Variants in CELF2 observed in about 807,000 individuals in gnomAD.
The protein encoded by CELF2 is CUGBP Elav-like family member 2.
Under a neutral mutation model 62.6 loss-of-function variants are expected in CELF2, and 8 were observed. The ratio of observed to expected loss-of-function variants is 0.13; its 90% CI spans 0.07 to 0.23. The LOEUF (loss-of-function observed/expected upper bound fraction) is 0.23, where lower values mean the gene tolerates loss of function less well. Among genes scored for constraint, CELF2 ranks in the 10% least tolerant of loss-of-function variants. The pLI, the probability that CELF2 is intolerant of heterozygous loss-of-function variation, is 1.00. For missense variants in CELF2, 333 were observed against 671.0 expected, an observed-to-expected ratio of 0.50 and a Z score of 5.56; for synonymous variants, 258 against 250.0, an observed-to-expected ratio of 1.03 and a Z score of -0.30.
At chr10:11,299,964 C>T (rs560402698) in intron 9 of CELF2, among the ~76,000 whole-genome samples, 4 of 152,254 alleles carry the variant, frequency 2.6e-5, no homozygotes, top group South Asian at 4.1e-4. Context: ...TCATTTGCCC[C>T]GCTCGTAGGA....
intron 2 of CELF2, among the ~76,000 whole-genome samples, chr10:10,943,364 A>T (rs1406482086): frequency 6.6e-6 from 1 of 152,120 alleles, no homozygotes; most frequent in Non-Finnish European, 1.5e-5. Context: ...GTATTAGTTG[A>T]CCTCTGGAAG....
intron 1 of CELF2, among the ~76,000 whole-genome samples, chr10:11,155,269 T>C (rs1018984863): frequency 3.9e-5 from 6 of 152,242 alleles, no homozygotes; most frequent in African/African-American, 1.4e-4. Context: ...ATAATTGCGC[T>C]GTGCTGCCGT....
chr10:10,932,121 C>A (rs966783211), intron 2 of CELF2, among the ~76,000 whole-genome samples: 9 of 152,240 alleles, frequency 5.9e-5, no homozygotes, highest in Middle Eastern at 6.8e-3. Flanking sequence ...TTACTAATGA[C>A]ATCCTTGATC....
At chr10:10,887,554 C>T (rs1474085392) in intron 1 of CELF2, among the ~76,000 whole-genome samples, 1 of 152,154 alleles carries the variant, frequency 6.6e-6, no homozygotes, top group Non-Finnish European at 1.5e-5. Flanking sequence ...TACCAAAACC[C>T]ATGTTTGCAT....
chr10:10,847,291 T>C (rs2132671706), intron 1 of CELF2, among the ~76,000 whole-genome samples: 1 of 152,246 alleles, frequency 6.6e-6, no homozygotes, highest in South Asian at 2.1e-4. Flanking sequence ...TGTATTCTAG[T>C]CCTGTCTCAA....
At chr10:10,543,640 A>C in the CELF2 span, among the ~76,000 whole-genome samples, 1 of 152,144 alleles carries the variant, frequency 6.6e-6, no homozygotes, top group Non-Finnish European at 1.5e-5. Flanking sequence ...TGAGGTCAGG[A>C]GTTTGAGACC....
At chr10:10,483,908 G>A in the CELF2 span, among the ~76,000 whole-genome samples, 1 of 143,158 alleles carries the variant, frequency 7.0e-6, no homozygotes, top group African/African-American at 2.6e-5. Context: ...TCATCTCTCT[G>A]TGTCTCATCT....
At chr10:10,714,917 T>C in the CELF2 span, among the ~76,000 whole-genome samples, 3 of 152,174 alleles carry the variant, frequency 2.0e-5, no homozygotes, top group African/African-American at 7.2e-5. Flanking sequence ...TAGTTGTTAT[T>C]ACAAAGGCAT....
intron 2 of CELF2, among the ~76,000 whole-genome samples, chr10:11,197,025 A>AAAAGAAAGAAAGAAAGAAAGAAAGAAAG (rs774383276): frequency 0.056 from 1,460 of 26,112 alleles, 272 homozygotes; most frequent in East Asian, 0.11. Context: ...AGAAAGAAAG[A>AAAAGAAAGAAAGAAAGAAAGAAAGAAAG]AAAGAAAGAA....
intron 2 of CELF2, among the ~76,000 whole-genome samples, chr10:11,201,089 A>C (rs2059116148): frequency 6.6e-6 from 1 of 152,216 alleles, no homozygotes; most frequent in East Asian, 1.9e-4. Context: ...TAATTTTCTG[A>C]AACGAAATTC....
At position 11,296,291 on chromosome 10, in the gene CELF2, A is replaced by C. The variant is rs2093176137; in HGVS notation, c.976+7739A>C. Among the ~76,000 whole-genome samples the C allele has an allele frequency of 6.6e-6, 1 of 152,112 alleles. No individual in the cohort carries two copies. The highest frequency in any genetic ancestry group is 1.5e-5 in the Non-Finnish European group (1 of 68,026). Reference sequence around the variant, plus strand: ...TCTGTGCTAAGTGTGATTTGTTTTTAAATATTGCTTTGCACACTCTTCTGT... The same window carrying C: ...TCTGTGCTAAGTGTGATTTGTTTTTCAATATTGCTTTGCACACTCTTCTGT... On this transcript the variant is annotated intron_variant, in intron 9 of 12. Coordinates refer to ENST00000633077, the MANE Select transcript of CELF2 (RefSeq NM_001326342.2). This position sits in a 1 kb window ranked among gnomAD's most constrained non-coding sequence, Gnocchi z 5.0.
At chr10:10,846,622 A>T (rs2059030085) in intron 1 of CELF2, among the ~76,000 whole-genome samples, 1 of 152,198 alleles carries the variant, frequency 6.6e-6, no homozygotes, top group African/African-American at 2.4e-5. Context: ...TTTTGAGTTC[A>T]GCATACCACG....
At chr10:10,566,430 T>TTTA in the CELF2 span, among the ~76,000 whole-genome samples, 8 of 148,270 alleles carry the variant, frequency 5.4e-5, no homozygotes, top group Non-Finnish European at 7.4e-5. Flanking sequence ...TTTTTTTTTT[T>TTTA]ATTATACTCT....
the CELF2 span, among the ~76,000 whole-genome samples, chr10:10,515,088 C>T: frequency 6.6e-6 from 1 of 152,196 alleles, no homozygotes; most frequent in Non-Finnish European, 1.5e-5. Context: ...TCTCCAAATA[C>T]AAGAACAAAG....
chr10:10,651,881 T>G, the CELF2 span, among the ~76,000 whole-genome samples: 1 of 150,160 alleles, frequency 6.7e-6, no homozygotes, highest in East Asian at 1.9e-4. Flanking sequence ...AGAATGACTT[T>G]GACGAGCTGA....
the CELF2 span, among the ~76,000 whole-genome samples, chr10:10,747,368 A>G: frequency 1.3e-5 from 2 of 152,240 alleles, no homozygotes; most frequent in Non-Finnish European, 2.9e-5. Flanking sequence ...TGGAGTTTTC[A>G]GTCTAGTGAA....
chr10:11,092,665 T>G lies in CELF2; in HGVS notation c.75-72821T>G, dbSNP rs375629675. ...CAAATTCTTCTCTGTAGTCCCTGTT[T>G]CTTCAGAGATAAGGATGTTCCTCTT... On this transcript the variant is annotated intron_variant, in intron 1 of 12. Transcript: ENST00000633077. Among the ~76,000 whole-genome samples the G allele has an allele frequency of 1.4e-4, 21 of 152,332 alleles. 1 individual carries two copies. The East Asian group carries it at 2.5e-3, about 18-fold the overall frequency.
At chr10:10,708,983 T>C in the CELF2 span, among the ~76,000 whole-genome samples, 1 of 152,198 alleles carries the variant, frequency 6.6e-6, no homozygotes, top group Admixed American at 6.5e-5. Flanking sequence ...ATGCTATTTC[T>C]GGCCTGTGGT....
chr10:11,325,730 T>C, intron 11 of CELF2, 106 bp from the exon 12 acceptor site: 1 of 970,938 alleles, frequency 1.0e-6, no homozygotes, highest in South Asian at 1.8e-5. Flanking sequence ...TGTTTGTTTG[T>C]TCAACTAAAT....
Sources: gnomAD v4.1 joint callset for allele counts (sites outside exome capture counted in the v4.1 genomes callset) on GRCh38, gnomAD v4.1.1 for gene constraint, Gnocchi (gnomAD v3.1) non-coding constraint, MANE v1.5 for transcripts, NCBI Gene and HGNC (gene_info 2026-07-23, HGNC 2026-07-21) for gene names.